MROH9: variants seen among roughly 807,000 people sequenced by gnomAD.
MROH9 encodes maestro heat-like repeat-containing protein family member 9.
A neutral mutation model predicts 98.2 loss-of-function variants in MROH9; 92 were observed. That is an observed-to-expected ratio of 0.94 (90% CI 0.79 to 1.11). MROH9 has a LOEUF of 1.11. MROH9 is among the 50% of genes most tolerant of loss of function. MROH9 has a pLI of 0.00. For synonymous variants in MROH9, 397 were observed against 368.9 expected (o/e 1.08, Z -0.87); for missense variants, 1,057 against 1,014.8 (o/e 1.04, Z -0.57).
At position 171,028,977 on chromosome 1, in the gene MROH9, C is replaced by T. The variant is rs111939426; in HGVS notation, c.2281+3557C>T. On this transcript the variant is annotated intron_variant, in intron 20 of 21. Coordinates refer to ENST00000367759, the MANE Select transcript of MROH9 (RefSeq NM_001163629.2). Reference sequence around the variant, plus strand: ...GTCTGCAGAGACAATTTGACTTCCTCCCTTCCTGTTTGAATACTCTTTATT... The same window carrying T: ...GTCTGCAGAGACAATTTGACTTCCTTCCTTCCTGTTTGAATACTCTTTATT... Among the ~76,000 whole-genome samples, 1,121 of 152,236 alleles carry T rather than the reference C, an allele frequency of 7.4e-3. 16 individuals carry two copies. Among genetic ancestry groups the T allele is most frequent in the African/African-American group, 0.025 (1,029 of 41,544 alleles).
chr1:170,963,835 G>A (rs1230080697), intron 6 of MROH9, among the ~76,000 whole-genome samples: 1 of 152,000 alleles, frequency 6.6e-6, no homozygotes, highest in Non-Finnish European at 1.5e-5. Flanking sequence ...CCTGACAAAG[G>A]GTGGAGGTTG....
chr1:171,000,089 T>C (rs1351061712), intron 15 of MROH9, among the ~76,000 whole-genome samples: 1 of 152,204 alleles, frequency 6.6e-6, no homozygotes, highest in Non-Finnish European at 1.5e-5. Context: ...ATTAGTCTTT[T>C]GTCAGATGTA....
chr1:171,031,761 T>C (rs566681615), intron 20 of MROH9, among the ~76,000 whole-genome samples: 35 of 152,294 alleles, frequency 2.3e-4, no homozygotes, highest in African/African-American at 7.9e-4. Flanking sequence ...TGTCTCAGGG[T>C]TGATCTTCTC....
At chr1:171,038,970 A>G (rs1557909337) in intron 20 of MROH9, among the ~76,000 whole-genome samples, 2 of 152,072 alleles carry the variant, frequency 1.3e-5, no homozygotes. Flanking sequence ...CTGAACCTGC[A>G]TTTCTGCATG....
intron 20 of MROH9, among the ~76,000 whole-genome samples, chr1:171,049,202 C>G (rs1033185127): frequency 1.3e-5 from 2 of 152,184 alleles, no homozygotes; most frequent in African/African-American, 4.8e-5. Flanking sequence ...GAAACACCTT[C>G]ATAAGAACCC....
At chr1:170,945,694 A>G in intron 2 of MROH9, 113 bp downstream of exon 2, 2 of 920,062 alleles carry the variant, frequency 2.2e-6, no homozygotes, top group Non-Finnish European at 3.2e-6. Flanking sequence ...CCATGATAAC[A>G]AAGAATGTAC....
At chr1:171,022,859 A>G (rs906771080) in intron 17 of MROH9, among the ~76,000 whole-genome samples, 1 of 152,218 alleles carries the variant, frequency 6.6e-6, no homozygotes, top group Non-Finnish European at 1.5e-5. Flanking sequence ...TAAATCTCTA[A>G]GCAACTGTAT....
chr1:171,000,560 G>GC (rs1651751493), intron 15 of MROH9, among the ~76,000 whole-genome samples: 1 of 151,984 alleles, frequency 6.6e-6, no homozygotes. Context: ...TGCATATATT[G>GC]AACCATCCCT....
chr1:171,020,165 A>G (rs1652471759), intron 17 of MROH9, among the ~76,000 whole-genome samples: 1 of 151,452 alleles, frequency 6.6e-6, no homozygotes, highest in African/African-American at 2.4e-5. Context: ...AGGATTTCAC[A>G]GCCAAATTCT....
At chr1:170,977,280 C>A (rs1473218597) in intron 8 of MROH9, among the ~76,000 whole-genome samples, 1 of 152,174 alleles carries the variant, frequency 6.6e-6, no homozygotes, top group East Asian at 1.9e-4. Flanking sequence ...TGTTGGAGAA[C>A]TATTTCAGCC....
At chr1:170,999,319 C>A (rs1651703938) in intron 15 of MROH9, among the ~76,000 whole-genome samples, 1 of 152,064 alleles carries the variant, frequency 6.6e-6, no homozygotes, top group Non-Finnish European at 1.5e-5. Context: ...AGCTCTCTCC[C>A]ACTCTTTCCC....
At chr1:170,980,398 G>A (rs1650883838) in intron 8 of MROH9, among the ~76,000 whole-genome samples, 1 of 151,988 alleles carries the variant, frequency 6.6e-6, no homozygotes, top group Admixed American at 6.6e-5. Context: ...ATAGACCAAT[G>A]GAACATTGGT....
intron 8 of MROH9, among the ~76,000 whole-genome samples, chr1:170,981,139 T>C (rs1650914511): frequency 6.6e-6 from 1 of 152,100 alleles, no homozygotes; most frequent in East Asian, 1.9e-4. Flanking sequence ...TGTGGAGCAA[T>C]AGGAATACTT....
At chr1:170,941,147 G>A (rs903126861) in intron 1 of MROH9, among the ~76,000 whole-genome samples, 1 of 152,060 alleles carries the variant, frequency 6.6e-6, no homozygotes, top group Non-Finnish European at 1.5e-5. Context: ...TGGGTCTCCT[G>A]GAATTATTGT....
At chr1:171,018,678 CT>C (rs1652409082) in intron 17 of MROH9, among the ~76,000 whole-genome samples, 1 of 152,172 alleles carries the variant, frequency 6.6e-6, no homozygotes, top group African/African-American at 2.4e-5. Context: ...AGAGGAGCTG[CT>C]AACTAGAATA....
At chr1:170,946,616 T>C (rs1207183132) in intron 2 of MROH9, among the ~76,000 whole-genome samples, 1 of 152,058 alleles carries the variant, frequency 6.6e-6, no homozygotes. Context: ...GAAGGATACA[T>C]GATAATTTAC....
chr1:170,983,939 TTTGA>T (rs1282628417), intron 9 of MROH9, among the ~76,000 whole-genome samples: 11 of 152,328 alleles, frequency 7.2e-5, no homozygotes, highest in Non-Finnish European at 1.2e-4. Context: ...ACACTGTGAT[TTTGA>T]TTTTGTTTAA....
intron 7 of MROH9, among the ~76,000 whole-genome samples, chr1:170,966,076 G>A (rs1356877391): frequency 6.6e-6 from 1 of 151,994 alleles, no homozygotes; most frequent in Non-Finnish European, 1.5e-5. Context: ...ACATGAGTGT[G>A]TACCTGGAAA....
At chr1:170,995,318 C>A in intron 12 of MROH9, 71 bp from the exon 13 acceptor site, 1 of 1,556,186 alleles carries the variant, frequency 6.4e-7, no homozygotes, top group South Asian at 1.2e-5. Flanking sequence ...CTCTCTTGCT[C>A]CCCTCAGTAA....
Sources: allele counts gnomAD v4.1 joint callset (sites outside exome capture counted in the v4.1 genomes callset), GRCh38; gene constraint gnomAD v4.1.1; transcripts MANE v1.5; gene names NCBI Gene and HGNC (gene_info 2026-07-23, HGNC 2026-07-21).